The following KDM4B variants were observed in gnomAD, a reference collection of about 807,000 sequenced individuals.
The protein encoded by KDM4B is lysine demethylase 4B, also known as lysine-specific demethylase 4B.
Under a neutral mutation model 125.2 loss-of-function variants are expected in KDM4B, and 32 were observed. That is an observed-to-expected ratio of 0.26 (90% CI 0.19 to 0.34). The LOEUF is 0.34. Among genes scored for constraint, KDM4B ranks in the 10% least tolerant of loss-of-function variants. KDM4B has a pLI of 1.00. For missense variants in KDM4B, 1,190 were observed against 1,577.7 expected (o/e 0.75, Z 4.16); for synonymous variants, 721 against 677.9 (o/e 1.06, Z -0.99).
chr19:5,083,923 G>A (rs1188657089), intron 9 of KDM4B, among the ~76,000 whole-genome samples: 1 of 152,258 alleles, frequency 6.6e-6, no homozygotes, highest in East Asian at 1.9e-4. Flanking sequence ...GGCCAGATCC[G>A]GATTCTTTGA....
intron 21 of KDM4B, among the ~76,000 whole-genome samples, chr19:5,149,276 CT>C (rs1385193208): frequency 6.6e-6 from 1 of 152,250 alleles, no homozygotes; most frequent in Non-Finnish European, 1.5e-5. Context: ...CTTTTATACA[CT>C]TCCGTCATGG....
chr19:4,979,777 C>T (rs1212682300), intron 1 of KDM4B, among the ~76,000 whole-genome samples: 6 of 152,226 alleles, frequency 3.9e-5, no homozygotes, highest in Non-Finnish European at 8.8e-5. Context: ...ATGGAGCTAT[C>T]ATTCACATAC....
intron 14 of KDM4B, among the ~76,000 whole-genome samples, chr19:5,134,815 T>C (rs2146072385): frequency 6.6e-6 from 1 of 152,272 alleles, no homozygotes; most frequent in East Asian, 1.9e-4. Flanking sequence ...TGAGCCTGTC[T>C]TGGGGCTCTG....
At chr19:5,019,320 ACGTTGGCGTGCAGG>A (rs2035998889) in intron 2 of KDM4B, among the ~76,000 whole-genome samples, 1 of 104,348 alleles carries the variant, frequency 9.6e-6, no homozygotes, top group African/African-American at 3.8e-5. Context: ...GTTGGTGTGG[ACGTTGGCGTGCAGG>A]TGTTGGTGTG....
At chr19:5,021,154 AAAAG>A (rs1555694146) in intron 2 of KDM4B, among the ~76,000 whole-genome samples, 11 of 148,034 alleles carry the variant, frequency 7.4e-5, no homozygotes, top group Middle Eastern at 6.6e-3. Flanking sequence ...AAAAAAAAAA[AAAAG>A]AAAGAAAACA....
intron 18 of KDM4B, among the ~76,000 whole-genome samples, chr19:5,143,054 G>A (rs538615919): frequency 3.3e-5 from 5 of 152,130 alleles, no homozygotes; most frequent in East Asian, 1.9e-4. Flanking sequence ...GGACCTGCGC[G>A]ATGGCTCACG....
chr19:5,145,906 G>T (rs1456719840), intron 21 of KDM4B, among the ~76,000 whole-genome samples: 1 of 152,200 alleles, frequency 6.6e-6, no homozygotes, highest in Non-Finnish European at 1.5e-5. Flanking sequence ...TACCACGTCG[G>T]TTAAGGTGAA....
intron 7 of KDM4B, among the ~76,000 whole-genome samples, chr19:5,073,888 C>CA (rs1316534168): frequency 3.3e-5 from 5 of 152,148 alleles, no homozygotes; most frequent in African/African-American, 1.2e-4. Flanking sequence ...AGGCTGACGT[C>CA]AGAGGATTGC....
rs577230335 is a variant in KDM4B, at chr19:5,055,893, A to G, written c.626+8224A>G. On this transcript the variant is annotated intron_variant, in intron 6 of 22. Transcript: ENST00000159111. The stretch of plus-strand genomic sequence containing the variant: ...CCGGGTTCCCTGTTATGAGCATTCT[A>G]TATCAATGTGGTACACTTGTGATCA... Among the ~76,000 whole-genome samples the G allele has an allele frequency of 4.6e-5, 7 of 152,306 alleles. No individual in the cohort carries two copies. The South Asian group carries it at 6.2e-4, about 14-fold the overall frequency.
In KDM4B at chr19:5,061,376, C is replaced by T. The variant is rs117196506; in HGVS notation, c.627-9634C>T. 8.5e-5 allele frequency among the ~76,000 whole-genome samples: 13 copies of T among 152,308 alleles called. No homozygotes were observed. In the East Asian group the frequency reaches 1.3e-3, roughly 16 times the overall value. On this transcript the variant is annotated intron_variant, in intron 6 of 22. Coordinates refer to ENST00000159111, the MANE Select transcript of KDM4B (RefSeq NM_015015.3). The stretch of plus-strand genomic sequence containing the variant: ...TACCAAATTCCATCATCTCTTGTCC[C>T]GTAAAACGATCCATTAAAGATAAAG...
At chr19:5,119,035 A>G in intron 10 of KDM4B, 1 of 778,332 alleles carries the variant, frequency 1.3e-6, no homozygotes, top group Non-Finnish European at 2.1e-6. Flanking sequence ...GGAGTTGGGG[A>G]CAGAGCCAGG....
chr19:5,080,074 G>A (rs1250892088), intron 8 of KDM4B, among the ~76,000 whole-genome samples: 2 of 152,122 alleles, frequency 1.3e-5, no homozygotes, highest in Non-Finnish European at 2.9e-5. Context: ...ATTTTCTGCC[G>A]CGTGCTCGTT....
intron 9 of KDM4B, among the ~76,000 whole-genome samples, 158 bp from the exon 10 acceptor site, chr19:5,110,464 C>T (rs10445606): frequency 2.0e-5 from 3 of 152,250 alleles, no homozygotes; most frequent in Admixed American, 6.5e-5. Context: ...AGAGTGAGAC[C>T]GTGTCTCGAA....
chr19:4,992,468 G>A (rs910399315), intron 1 of KDM4B, among the ~76,000 whole-genome samples: 2 of 149,992 alleles, frequency 1.3e-5, no homozygotes, highest in South Asian at 2.1e-4. Flanking sequence ...TTTTCCTTGC[G>A]ATAGGATCTT....
intron 4 of KDM4B, among the ~76,000 whole-genome samples, chr19:5,040,506 T>G (rs540340790): frequency 6.6e-6 from 1 of 152,244 alleles, no homozygotes; most frequent in South Asian, 2.1e-4. Context: ...CACAGGCTCA[T>G]GCACAGGTAC....
At chr19:5,085,110 C>A (rs775202186) in intron 9 of KDM4B, among the ~76,000 whole-genome samples, 22 of 152,300 alleles carry the variant, frequency 1.4e-4, no homozygotes, top group Non-Finnish European at 2.4e-4. Flanking sequence ...ATGAGCTAAC[C>A]TTTATTTTTC....
At position 5,136,450 on chromosome 19, in the gene KDM4B, C is replaced by T. The variant is rs117053384; in HGVS notation, c.2309-812C>T. On this transcript the variant is annotated intron_variant, in intron 15 of 22. Transcript: ENST00000159111. ...GGCAGCCATAGATCTGTGTCGGTTT[C>T]CTCCTGGCGGTGGCCTGCCTGGGGG... Among the ~76,000 whole-genome samples the T allele has an allele frequency of 2.7e-3, 414 of 152,314 alleles. 1 individual carries two copies. The highest frequency in any genetic ancestry group is 6.8e-3 in the Middle Eastern group (2 of 294).
intron 6 of KDM4B, among the ~76,000 whole-genome samples, chr19:5,062,000 C>T (rs778756668): frequency 3.0e-4 from 45 of 152,232 alleles, no homozygotes; most frequent in Admixed American, 5.2e-4. Flanking sequence ...GGGAGCAGGG[C>T]TGGCCCCGCA....
intron 3 of KDM4B, among the ~76,000 whole-genome samples, chr19:5,036,284 G>A (rs1179274503): frequency 1.3e-5 from 2 of 152,230 alleles, no homozygotes; most frequent in Non-Finnish European, 2.9e-5. Context: ...GTTATACATC[G>A]CCCCTGCCCC....
Sources: allele counts gnomAD v4.1 joint callset (sites outside exome capture counted in the v4.1 genomes callset), GRCh38; gene constraint gnomAD v4.1.1; transcripts MANE v1.5; gene names NCBI Gene and HGNC (gene_info 2026-07-23, HGNC 2026-07-21).